Variants in FOXN3 observed in about 807,000 individuals in gnomAD.
The protein encoded by FOXN3 is forkhead box protein N3.
A neutral mutation model predicts 38.4 loss-of-function variants in FOXN3; 7 were observed. That is an observed-to-expected ratio of 0.18 (90% CI 0.10 to 0.34). The LOEUF is 0.34. FOXN3 is among the 10% of genes least tolerant of loss of function. The probability of loss-of-function intolerance (pLI) is 1.00; values close to 1 mark genes in which losing one functional copy is unlikely to be tolerated. For synonymous variants in FOXN3, 230 were observed against 242.2 expected, an observed-to-expected ratio of 0.95 and a Z score of 0.47; for missense variants, 456 against 613.4, an observed-to-expected ratio of 0.74 and a Z score of 2.71.
chr14:89,464,189 A>G (rs927808858), intron 1 of FOXN3, among the ~76,000 whole-genome samples: 3 of 152,206 alleles, frequency 2.0e-5, no homozygotes, highest in Non-Finnish European at 2.9e-5. Context: ...GCACAAAGGA[A>G]TAAGGAAGCG....
chr14:89,385,560 C>T (rs570283100), intron 2 of FOXN3, among the ~76,000 whole-genome samples: 2 of 146,984 alleles, frequency 1.4e-5, no homozygotes, highest in Non-Finnish European at 3.0e-5. Context: ...GTAATCCCAG[C>T]AGTTTGGGAG....
chr14:89,427,080 T>TG (rs1431220691), intron 1 of FOXN3, among the ~76,000 whole-genome samples: 1 of 150,378 alleles, frequency 6.6e-6, no homozygotes, highest in Non-Finnish European at 1.5e-5. Context: ...AATACAAAAA[T>TG]TAGCCGGGCG....
intron 1 of FOXN3, among the ~76,000 whole-genome samples, chr14:89,430,011 A>AGG: frequency 6.6e-6 from 1 of 152,330 alleles, no homozygotes; most frequent in South Asian, 2.1e-4. Flanking sequence ...ATCAAGTTTA[A>AGG]GCAGACACAG....
chr14:89,211,966 T>C (rs1331377534), intron 4 of FOXN3, among the ~76,000 whole-genome samples: 1 of 152,164 alleles, frequency 6.6e-6, no homozygotes, highest in Non-Finnish European at 1.5e-5. Context: ...TTCTTCATGA[T>C]GGGATTCGTG....
In FOXN3 at chr14:89,350,770, C is replaced by A. The variant is rs1300921987; in HGVS notation, c.582G>T (p.Glu194Asp). The change falls in exon 3 of 6, where the codon GAG (glutamate) becomes GAT (aspartate). Residue 194 changes from glutamate to aspartate, a missense_variant. Coordinates refer to ENST00000557258, the MANE Select transcript of FOXN3 (RefSeq NM_005197.4). ...AAGCCTGAATTAGATTTTGTCTATA[C>A]TCTGGGTCTATGCACCACAACGACC... ...GKGSLWCIDP[E>D]YRQNLIQALK... The A allele has an allele frequency of 6.3e-7, 1 of 1,599,616 alleles. No homozygotes were observed.
chr14:89,222,070 C>T (rs1011765773), intron 4 of FOXN3, among the ~76,000 whole-genome samples: 4 of 152,246 alleles, frequency 2.6e-5, no homozygotes, highest in African/African-American at 9.6e-5. Context: ...CCCGCCTCGG[C>T]CTCCCAAAGT....
chr14:89,387,296 A>AG (rs1414308653), intron 2 of FOXN3, among the ~76,000 whole-genome samples: 1 of 151,876 alleles, frequency 6.6e-6, no homozygotes, highest in African/African-American at 2.4e-5. Context: ...CCAACCAATT[A>AG]GGGGGGAGAC....
chr14:89,560,927 G>C (rs981333632), intron 1 of FOXN3, among the ~76,000 whole-genome samples: 2 of 152,158 alleles, frequency 1.3e-5, no homozygotes, highest in African/African-American at 4.8e-5. Context: ...ATTTAAAAAG[G>C]TAGCAATTGC....
At chr14:89,246,695 C>T (rs186731859) in intron 4 of FOXN3, among the ~76,000 whole-genome samples, 12 of 152,038 alleles carry the variant, frequency 7.9e-5, no homozygotes, top group East Asian at 5.8e-4. Flanking sequence ...TCCGCCACCA[C>T]GCCTGGCTAA....
At chr14:89,503,621 T>C (rs1041350707) in intron 1 of FOXN3, among the ~76,000 whole-genome samples, 2 of 152,284 alleles carry the variant, frequency 1.3e-5, no homozygotes, top group African/African-American at 2.4e-5. Flanking sequence ...AACCACACGT[T>C]TTATAGATAG....
At chr14:89,521,759 A>G (rs1894323392) in intron 1 of FOXN3, among the ~76,000 whole-genome samples, 1 of 152,216 alleles carries the variant, frequency 6.6e-6, no homozygotes, top group South Asian at 2.1e-4. Context: ...AAAACAAAAA[A>G]AATAGCGAAT....
At chr14:89,344,527 G>A (rs1888709741) in intron 3 of FOXN3, among the ~76,000 whole-genome samples, 1 of 152,184 alleles carries the variant, frequency 6.6e-6, no homozygotes, top group Non-Finnish European at 1.5e-5. Flanking sequence ...CTTTGGATTG[G>A]TGCCTATAGC....
chr14:89,374,310 A>G (rs575200351), intron 2 of FOXN3, among the ~76,000 whole-genome samples: 31 of 150,152 alleles, frequency 2.1e-4, no homozygotes, highest in African/African-American at 7.2e-4. Flanking sequence ...AAAGGAAAAG[A>G]AAAAGAAAAA....
At chr14:89,513,928 A>G (rs1043870069) in intron 1 of FOXN3, among the ~76,000 whole-genome samples, 5 of 144,728 alleles carry the variant, frequency 3.5e-5, no homozygotes, top group African/African-American at 1.0e-4. Context: ...ACACACACAC[A>G]CGCACGCACA....
chr14:89,378,841 G>A (rs924346792), intron 2 of FOXN3, among the ~76,000 whole-genome samples: 5 of 151,798 alleles, frequency 3.3e-5, no homozygotes, highest in African/African-American at 4.8e-5. Flanking sequence ...CGAGTACCTG[G>A]GATTACAGGC....
At chr14:89,421,919 A>G (rs1463821512), upstream of FOXN3, among the ~76,000 whole-genome samples, 1 of 151,972 alleles carries the variant, frequency 6.6e-6, no homozygotes, top group African/African-American at 2.4e-5. Context: ...TGGCTCTGTC[A>G]TCCAGGCTGG....
chr14:89,256,928 CAGA>C (rs1885642043), intron 4 of FOXN3, among the ~76,000 whole-genome samples: 1 of 152,190 alleles, frequency 6.6e-6, no homozygotes, highest in African/African-American at 2.4e-5. Flanking sequence ...TTCAAAGAAT[CAGA>C]AGAAGCTATA....
chr14:89,305,618 C>A (rs529358524), intron 3 of FOXN3, among the ~76,000 whole-genome samples: 136 of 152,300 alleles, frequency 8.9e-4, no homozygotes, highest in African/African-American at 2.8e-3. Context: ...CCTAATACCA[C>A]GATTAGCTGT....
rs372212856 is a variant in FOXN3 at position 89,465,075 on chromosome 14, TCTC to T, written c.-14-52588_-14-52586del. 8.1e-4 allele frequency among the ~76,000 whole-genome samples: 124 copies of T among 152,254 alleles called. 2 individuals carry two copies. In the East Asian group the frequency reaches 0.017, roughly 21 times the overall value. The stretch of plus-strand genomic sequence containing the variant: ...TATAAGGGCCTTTTTGCTCAGGACT[TCTC>T]CTTGCAGCCGCCACGTGAAGAAGGA... On this transcript the variant is annotated intron_variant, in intron 1 of 6. Coordinates refer to the FOXN3 transcript ENST00000345097.
Sources: allele counts gnomAD v4.1 joint callset (sites outside exome capture counted in the v4.1 genomes callset), GRCh38; gene constraint gnomAD v4.1.1; transcripts MANE v1.5; gene names NCBI Gene and HGNC (gene_info 2026-07-23, HGNC 2026-07-21).